EXOC4: variants seen among roughly 807,000 people sequenced by gnomAD.
EXOC4 encodes exocyst complex component 4.
Under a neutral mutation model 107.2 loss-of-function variants are expected in EXOC4, and 71 were observed. That is an observed-to-expected ratio of 0.66 (90% confidence interval 0.55 to 0.81). The LOEUF (loss-of-function observed/expected upper bound fraction) is 0.81. EXOC4 is among the 30% of genes least tolerant of loss of function. The pLI is 0.00. For synonymous variants in EXOC4, 456 were observed against 441.2 expected, an observed-to-expected ratio of 1.03 and a Z score of -0.42; for missense variants, 1,108 against 1,189.6, an observed-to-expected ratio of 0.93 and a Z score of 1.01.
At chr7:133,319,026 AT>A (rs1429176773) in intron 5 of EXOC4, among the ~76,000 whole-genome samples, 1 of 152,146 alleles carries the variant, frequency 6.6e-6, no homozygotes, top group East Asian at 1.9e-4. Context: ...TACCTTTGAT[AT>A]GTATTTTATC....
At chr7:133,814,701 T>C (rs970837527) in intron 10 of EXOC4, among the ~76,000 whole-genome samples, 1 of 152,202 alleles carries the variant, frequency 6.6e-6, no homozygotes, top group East Asian at 1.9e-4. Flanking sequence ...TTTCAAACTT[T>C]TGGAACTTGG....
chr7:134,062,098 C>T (rs1047288157), intron 17 of EXOC4, among the ~76,000 whole-genome samples: 6 of 152,118 alleles, frequency 3.9e-5, no homozygotes, highest in South Asian at 2.1e-4. Flanking sequence ...AATGAACACT[C>T]GTTTAAAACC....
Position 133,653,093 on chromosome 7 carries a change from A to T in EXOC4, c.1514+22952A>T, listed in dbSNP as rs377060228. On this transcript the variant is annotated intron_variant, in intron 10 of 17. Coordinates refer to ENST00000253861, the MANE Select transcript of EXOC4 (RefSeq NM_021807.4). ...GATTGGGGCCTTGAAGAATTTTGAAACCTGAGGTTATATGTTTGCATCTGT... is the reference window on the plus strand; with the variant it reads ...GATTGGGGCCTTGAAGAATTTTGAATCCTGAGGTTATATGTTTGCATCTGT... Among the ~76,000 whole-genome samples the T allele has an allele frequency of 2.6e-5, 4 of 152,214 alleles. No individual in the cohort carries two copies. The East Asian group carries it at 7.7e-4, about 29-fold the overall frequency.
At chr7:133,701,572 G>GT (rs1794656698) in intron 10 of EXOC4, among the ~76,000 whole-genome samples, 1 of 152,050 alleles carries the variant, frequency 6.6e-6, no homozygotes. Flanking sequence ...TTTCCTATAT[G>GT]TACATACCTA....
intron 10 of EXOC4, among the ~76,000 whole-genome samples, chr7:133,788,041 A>G (rs1347700330): frequency 1.6e-5 from 2 of 124,530 alleles, no homozygotes; most frequent in South Asian, 2.7e-4. Context: ...GGGAGCTTGA[A>G]TAAGGTTCAT....
intron 11 of EXOC4, among the ~76,000 whole-genome samples, chr7:133,855,059 C>A (rs58064522): frequency 0.012 from 583 of 49,732 alleles, 8 homozygotes; most frequent in African/African-American, 0.09. Flanking sequence ...CTAAATATAT[C>A]TAAATATATC....
chr7:133,520,160 T>G (rs1179107657), intron 9 of EXOC4, among the ~76,000 whole-genome samples: 2 of 152,128 alleles, frequency 1.3e-5, no homozygotes, highest in Admixed American at 6.5e-5. Flanking sequence ...GCCAAAAAAT[T>G]TAATTGAATA....
intron 2 of EXOC4, among the ~76,000 whole-genome samples, chr7:133,288,068 TA>T (rs1794322000): frequency 6.6e-6 from 1 of 152,134 alleles, no homozygotes; most frequent in African/African-American, 2.4e-5. Flanking sequence ...AAAGAAATAT[TA>T]AACTCAAATT....
chr7:134,009,636 C>G (rs575274750), intron 17 of EXOC4, among the ~76,000 whole-genome samples: 1 of 152,022 alleles, frequency 6.6e-6, no homozygotes, highest in Non-Finnish European at 1.5e-5. Context: ...TTTGGTCGCT[C>G]TTATGGGGAA....
chr7:133,502,236 A>T (rs1482715283), intron 9 of EXOC4, among the ~76,000 whole-genome samples: 1 of 152,104 alleles, frequency 6.6e-6, no homozygotes, highest in Non-Finnish European at 1.5e-5. Flanking sequence ...GGAAATTCAG[A>T]GGAGGGAAAG....
intron 7 of EXOC4, among the ~76,000 whole-genome samples, chr7:133,442,045 ATGAT>A (rs1798117362): frequency 2.0e-5 from 3 of 152,296 alleles, no homozygotes; most frequent in Admixed American, 2.0e-4. Context: ...CCAGTAACTA[ATGAT>A]TGACCCACTT....
chr7:133,506,951 A>G (rs570274065), intron 9 of EXOC4, among the ~76,000 whole-genome samples: 1 of 152,186 alleles, frequency 6.6e-6, no homozygotes, highest in East Asian at 1.9e-4. Flanking sequence ...GATACTCTAT[A>G]TATTCTAGAT....
At chr7:133,558,991 G>A (rs1233257823) in intron 9 of EXOC4, among the ~76,000 whole-genome samples, 1 of 152,172 alleles carries the variant, frequency 6.6e-6, no homozygotes, top group African/African-American at 2.4e-5. Context: ...ATATATGGGG[G>A]CTATGTAAAA....
intron 7 of EXOC4, among the ~76,000 whole-genome samples, chr7:133,459,940 A>G (rs561331300): frequency 2.0e-5 from 3 of 152,370 alleles, no homozygotes; most frequent in African/African-American, 4.8e-5. Flanking sequence ...AGATCAAAAT[A>G]AAGAATTATT....
At chr7:133,768,937 A>C (rs1419767710) in intron 10 of EXOC4, among the ~76,000 whole-genome samples, 1 of 151,980 alleles carries the variant, frequency 6.6e-6, no homozygotes, top group East Asian at 1.9e-4. Flanking sequence ...CGACACTTAA[A>C]CTGAGTCTTT....
At chr7:134,042,379 G>C (rs1795540041) in intron 17 of EXOC4, among the ~76,000 whole-genome samples, 1 of 151,954 alleles carries the variant, frequency 6.6e-6, no homozygotes, top group African/African-American at 2.4e-5. Context: ...AATATGCCTG[G>C]AAATAAAGCT....
rs75094833 is a variant in EXOC4 at position 134,033,570 on chromosome 7, T to A, written c.2687+25735T>A. Among the ~76,000 whole-genome samples the A allele has an allele frequency of 3.8e-3, 581 of 152,082 alleles. 2 individuals are homozygous for A. Among genetic ancestry groups the A allele is most frequent in the African/African-American group, 0.013 (536 of 41,492 alleles). The stretch of plus-strand genomic sequence containing the variant: ...CTTGCCTATACTTAGAGGCCCAAGA[T>A]CCAATTGGAGTCCGAGGAAAAGAGA... On this transcript the variant is annotated intron_variant, in intron 17 of 17. Coordinates refer to ENST00000253861, the MANE Select transcript of EXOC4 (RefSeq NM_021807.4).
intron 12 of EXOC4, among the ~76,000 whole-genome samples, chr7:133,916,620 A>T (rs1469612139): frequency 2.0e-5 from 3 of 152,124 alleles, no homozygotes; most frequent in African/African-American, 7.2e-5. Flanking sequence ...TGGGTCAAGG[A>T]GGTATCATAC....
chr7:133,545,604 TACAG>T (rs1177985591), intron 9 of EXOC4, among the ~76,000 whole-genome samples: 2 of 152,224 alleles, frequency 1.3e-5, no homozygotes, highest in East Asian at 3.8e-4. Context: ...CTGTATTTAT[TACAG>T]ATTCTCCAGT....
Sources: allele counts gnomAD v4.1 joint callset (sites outside exome capture counted in the v4.1 genomes callset), GRCh38; gene constraint gnomAD v4.1.1; transcripts MANE v1.5; gene names NCBI Gene and HGNC (gene_info 2026-07-23, HGNC 2026-07-21).